The following CRPPA variants were observed in gnomAD, a reference collection of about 807,000 sequenced individuals.
CRPPA encodes the protein CDP-L-ribitol pyrophosphorylase A.
CRPPA carries 43 observed loss-of-function variants against 52.0 expected under a neutral mutation model. The ratio of observed to expected loss-of-function variants is 0.83; its 90% CI spans 0.65 to 1.07. The LOEUF (loss-of-function observed/expected upper bound fraction) is 1.07. Ranked by LOEUF, CRPPA falls within the 50% of genes least tolerant of loss-of-function variation. CRPPA has a pLI of 0.00. For missense variants in CRPPA, 629 were observed against 551.7 expected (o/e 1.14, Z -1.40); for synonymous variants, 250 against 203.5 (o/e 1.23, Z -1.94).
intron 6 of CRPPA, chr7:16,262,203 T>G (rs1236759082): frequency 1.3e-5 from 2 of 152,166 alleles, no homozygotes; most frequent in African/African-American, 4.8e-5. Context: ...TCTGAAGAAT[T>G]TATTTATTTT....
intron 9 of CRPPA, among the ~76,000 whole-genome samples, chr7:16,160,516 C>T (rs1323544572): frequency 8.5e-5 from 13 of 152,060 alleles, no homozygotes; most frequent in Admixed American, 6.6e-4. Context: ...TGTTCTGTTC[C>T]ACTGGTCTGT....
At chr7:16,388,394 T>C (rs1047640814) in intron 2 of CRPPA, among the ~76,000 whole-genome samples, 1 of 151,998 alleles carries the variant, frequency 6.6e-6, no homozygotes, top group African/African-American at 2.4e-5. Flanking sequence ...GGGGTACAGC[T>C]AAAGCAGCCC....
chr7:16,099,835 C>A (rs1380506000), intron 9 of CRPPA, among the ~76,000 whole-genome samples: 1 of 152,128 alleles, frequency 6.6e-6, no homozygotes, highest in Non-Finnish European at 1.5e-5. Flanking sequence ...ATACAACATC[C>A]TTTTTAATTA....
intron 5 of CRPPA, among the ~76,000 whole-genome samples, chr7:16,283,875 C>G (rs1445357007): frequency 6.6e-6 from 1 of 151,924 alleles, no homozygotes; most frequent in African/African-American, 2.4e-5. Context: ...TATTTAATAA[C>G]TACAGATATA....
At chr7:16,269,477 G>T (rs1385446861) in intron 6 of CRPPA, 1 of 152,164 alleles carries the variant, frequency 6.6e-6, no homozygotes, top group Non-Finnish European at 1.5e-5. Flanking sequence ...GACAAAAAAC[G>T]TCGGTGTAGA....
chr7:16,403,419 G>C (rs112714808), intron 2 of CRPPA, among the ~76,000 whole-genome samples: 2 of 152,244 alleles, frequency 1.3e-5, no homozygotes, highest in African/African-American at 4.8e-5. Context: ...AAAATGGAAA[G>C]TCAGTTAAAA....
chr7:16,267,391 G>C (rs1365221965), intron 6 of CRPPA, among the ~76,000 whole-genome samples: 1 of 152,140 alleles, frequency 6.6e-6, no homozygotes, highest in Non-Finnish European at 1.5e-5. Context: ...GTAAAGCTAA[G>C]AATAAACATT....
At chr7:16,218,455 T>C (rs1214407427) in intron 8 of CRPPA, among the ~76,000 whole-genome samples, 1 of 99,634 alleles carries the variant, frequency 1.0e-5, no homozygotes, top group African/African-American at 3.9e-5. Context: ...TAACTTTAAA[T>C]GTAAATGGAC....
At chr7:16,192,840 C>A (rs1478479735) in intron 9 of CRPPA, among the ~76,000 whole-genome samples, 1 of 152,102 alleles carries the variant, frequency 6.6e-6, no homozygotes, top group African/African-American at 2.4e-5. Flanking sequence ...CCTATTGAAT[C>A]ACCTTGACAC....
chr7:16,355,137 C>A (rs1326946395), intron 3 of CRPPA, among the ~76,000 whole-genome samples: 1 of 152,088 alleles, frequency 6.6e-6, no homozygotes, highest in Non-Finnish European at 1.5e-5. Flanking sequence ...TTCAAGAAAC[C>A]TAACAGGTAT....
chr7:16,385,518 C>A (rs1440396418), intron 2 of CRPPA, among the ~76,000 whole-genome samples: 1 of 152,084 alleles, frequency 6.6e-6, no homozygotes, highest in East Asian at 1.9e-4. Flanking sequence ...TATCTCATAT[C>A]CAGCAAAACC....
At chr7:16,331,024 G>T (rs1191721360) in intron 3 of CRPPA, among the ~76,000 whole-genome samples, 4 of 152,058 alleles carry the variant, frequency 2.6e-5, no homozygotes, top group Non-Finnish European at 5.9e-5. Context: ...TTTTGAGATG[G>T]AGTCTCGCTC....
chr7:16,385,199 A>T (rs1300676967), intron 2 of CRPPA, among the ~76,000 whole-genome samples: 3 of 152,128 alleles, frequency 2.0e-5, no homozygotes, highest in Non-Finnish European at 4.4e-5. Context: ...ACAATTTTGT[A>T]TTGGGAGTAC....
intron 3 of CRPPA, among the ~76,000 whole-genome samples, chr7:16,346,797 T>C (rs1414831011): frequency 1.3e-5 from 2 of 152,012 alleles, no homozygotes; most frequent in African/African-American, 4.8e-5. Flanking sequence ...ACCACATATG[T>C]TGAATTAATC....
chr7:16,385,336 A>C (rs1480490919), intron 2 of CRPPA, among the ~76,000 whole-genome samples: 2 of 152,184 alleles, frequency 1.3e-5, no homozygotes, highest in African/African-American at 4.8e-5. Flanking sequence ...TCAGAAAAAA[A>C]TCCACATCTA....
chr7:16,325,916 T>C (rs748990762), intron 3 of CRPPA, among the ~76,000 whole-genome samples: 6 of 152,014 alleles, frequency 3.9e-5, no homozygotes, highest in Non-Finnish European at 8.8e-5. Flanking sequence ...GTAGTAAAAT[T>C]GGCAACACAA....
chr7:16,113,210 C>A (rs1356113856), intron 9 of CRPPA, among the ~76,000 whole-genome samples: 1 of 151,420 alleles, frequency 6.6e-6, no homozygotes, highest in East Asian at 1.9e-4. Flanking sequence ...ATCTCAAAAG[C>A]AATAGATTAG....
intron 9 of CRPPA, among the ~76,000 whole-genome samples, chr7:16,208,101 A>C (rs563063205): frequency 1.6e-4 from 25 of 152,282 alleles, no homozygotes; most frequent in African/African-American, 6.0e-4. Context: ...TTATTTTGTA[A>C]CACTGACTTC....
At chr7:16,173,160 A>G (rs1480136894) in intron 9 of CRPPA, among the ~76,000 whole-genome samples, 1 of 152,208 alleles carries the variant, frequency 6.6e-6, no homozygotes, top group South Asian at 2.1e-4. Context: ...GACCAATTCA[A>G]TGAAAAATTC....
Sources: allele counts gnomAD v4.1 joint callset (sites outside exome capture counted in the v4.1 genomes callset), GRCh38; gene constraint gnomAD v4.1.1; transcripts MANE v1.5; gene names NCBI Gene and HGNC (gene_info 2026-07-23, HGNC 2026-07-21).